The following ESRRG variants were observed in gnomAD, a reference collection of about 807,000 sequenced individuals.
ESRRG encodes the protein estrogen related receptor gamma.
Under a neutral mutation model 44.0 loss-of-function variants are expected in ESRRG, and 13 were observed. That is an observed-to-expected ratio of 0.30 (90% CI 0.19 to 0.47). The LOEUF (loss-of-function observed/expected upper bound fraction) is 0.47. Ranked by LOEUF, ESRRG falls within the 20% of genes least tolerant of loss-of-function variation. ESRRG has a pLI of 1.00. For synonymous variants in ESRRG, 215 were observed against 214.6 expected, an observed-to-expected ratio of 1.00 and a Z score of -0.02; for missense variants, 395 against 580.6, an observed-to-expected ratio of 0.68 and a Z score of 3.29.
chr1:216,755,433 A>G (rs1332788357), intron 2 of ESRRG, among the ~76,000 whole-genome samples: 2 of 152,052 alleles, frequency 1.3e-5, no homozygotes, highest in African/African-American at 4.8e-5. Context: ...AAATGGCTAA[A>G]TTATCAAAGT....
At chr1:216,760,887 C>G (rs1220513439) in intron 2 of ESRRG, among the ~76,000 whole-genome samples, 2 of 151,952 alleles carry the variant, frequency 1.3e-5, no homozygotes, top group African/African-American at 2.4e-5. Flanking sequence ...TAAAACATCC[C>G]AGTTGTAAGA....
In ESRRG at chr1:216,701,758, A is replaced by G. The variant is rs140542847; in HGVS notation, c.56+21486T>C. Among the ~76,000 whole-genome samples, 636 of 152,302 alleles carry G rather than the reference A, an allele frequency of 4.2e-3. 5 individuals carry two copies. The highest frequency in any genetic ancestry group is 0.014 in the African/African-American group (568 of 41,570). ...TATTATTGCATCTCCCTTCTTCCCT[A>G]TGAATTTGATAATGAAGTTCTTTAT... On this transcript the variant is annotated intron_variant, in intron 1 of 6. Coordinates refer to ENST00000408911, the MANE Select transcript of ESRRG (RefSeq NM_001438.4).
chr1:217,023,212 T>G (rs1467073318), intron 1 of ESRRG, among the ~76,000 whole-genome samples: 2 of 152,326 alleles, frequency 1.3e-5, no homozygotes, highest in Non-Finnish European at 2.9e-5. Flanking sequence ...TCCTGCAATT[T>G]ACCTCTCCAT....
chr1:216,792,981 T>C (rs1387198393), intron 2 of ESRRG, among the ~76,000 whole-genome samples: 2 of 152,136 alleles, frequency 1.3e-5, no homozygotes, highest in Non-Finnish European at 2.9e-5. Context: ...CTTTGTAAAA[T>C]CAGAATCATG....
At chr1:216,834,733 G>C (rs1457517854) in intron 2 of ESRRG, among the ~76,000 whole-genome samples, 1 of 152,192 alleles carries the variant, frequency 6.6e-6, no homozygotes. Context: ...CCCTACTCAT[G>C]GAAGAATGAC....
chr1:216,842,099 T>C (rs1482468246), intron 2 of ESRRG, among the ~76,000 whole-genome samples: 1 of 152,182 alleles, frequency 6.6e-6, no homozygotes, highest in Non-Finnish European at 1.5e-5. Context: ...TTATTCATAG[T>C]AGCAAGAAAG....
At chr1:216,923,292 A>G (rs1028910363) in intron 2 of ESRRG, among the ~76,000 whole-genome samples, 1 of 152,254 alleles carries the variant, frequency 6.6e-6, no homozygotes, top group African/African-American at 2.4e-5. Flanking sequence ...TTAAACTAAC[A>G]AACAAGAAAC....
At position 216,823,031 on chromosome 1, in the gene ESRRG, C is replaced by T. The variant is rs573465892; in HGVS notation, c.-14+116551G>A. Among the ~76,000 whole-genome samples, 3 of 151,972 alleles carry T rather than the reference C, an allele frequency of 2.0e-5. No homozygotes were observed. The South Asian group carries it at 6.2e-4, about 32-fold the overall frequency. On this transcript the variant is annotated intron_variant, in intron 2 of 7. Coordinates refer to the ESRRG transcript ENST00000359162. ...TAGAAAAGGGAAAGAATGTCTTCGA[C>T]TTGTAGCTTAGCCTTCCAGCTCTCC...
intron 2 of ESRRG, among the ~76,000 whole-genome samples, chr1:216,756,950 G>C (rs916044348): frequency 8.6e-5 from 13 of 151,864 alleles, no homozygotes; most frequent in African/African-American, 3.1e-4. Context: ...GAGATGTCTA[G>C]GGTACGCACA....
intron 3 of ESRRG, among the ~76,000 whole-genome samples, chr1:216,597,096 A>G (rs1380363014): frequency 6.6e-6 from 1 of 152,168 alleles, no homozygotes; most frequent in African/African-American, 2.4e-5. Context: ...CCCACATTTA[A>G]TTGTCTATTA....
intron 2 of ESRRG, among the ~76,000 whole-genome samples, chr1:216,670,093 T>C (rs941176275): frequency 1.3e-5 from 2 of 152,238 alleles, no homozygotes; most frequent in African/African-American, 2.4e-5. Flanking sequence ...ACTGAGGTAG[T>C]TATTTTCTCT....
chr1:216,853,432 G>C (rs2095870457), intron 2 of ESRRG, among the ~76,000 whole-genome samples: 1 of 152,166 alleles, frequency 6.6e-6, no homozygotes, highest in Non-Finnish European at 1.5e-5. Flanking sequence ...TAATACTTGA[G>C]ATCTTTCCTA....
At chr1:216,604,753 C>A (rs904047393) in intron 3 of ESRRG, among the ~76,000 whole-genome samples, 2 of 152,206 alleles carry the variant, frequency 1.3e-5, no homozygotes, top group African/African-American at 4.8e-5. Context: ...CCTAACCACC[C>A]TGCATACATT....
At chr1:216,959,998 A>C (rs1402780412) in intron 1 of ESRRG, among the ~76,000 whole-genome samples, 1 of 152,174 alleles carries the variant, frequency 6.6e-6, no homozygotes, top group Non-Finnish European at 1.5e-5. Flanking sequence ...TAACTTGTTA[A>C]ATTCATACAG....
intron 2 of ESRRG, among the ~76,000 whole-genome samples, chr1:216,757,372 C>G (rs1287512579): frequency 1.3e-5 from 2 of 152,010 alleles, no homozygotes; most frequent in African/African-American, 4.8e-5. Context: ...TGAAAAAGCC[C>G]ATGTTTCAAA....
At chr1:216,899,959 A>C (rs2576202) in intron 2 of ESRRG, among the ~76,000 whole-genome samples, 114,657 of 152,086 alleles carry the variant, frequency 0.75, 44,660 homozygotes, top group African/African-American at 0.94. Flanking sequence ...TGTCTTATGC[A>C]TAAGGCTTGT....
chr1:216,905,985 A>C (rs2059641570), intron 2 of ESRRG, among the ~76,000 whole-genome samples: 1 of 152,190 alleles, frequency 6.6e-6, no homozygotes, highest in Admixed American at 6.5e-5. Context: ...TTCTGACCTC[A>C]GGCAATCTGG....
chr1:216,777,552 C>T (rs1281386276), intron 2 of ESRRG, among the ~76,000 whole-genome samples: 1 of 152,090 alleles, frequency 6.6e-6, no homozygotes, highest in Non-Finnish European at 1.5e-5. Flanking sequence ...TGTGTAAGAA[C>T]CACAGTGCTA....
At chr1:216,918,351 A>G (rs747605481) in intron 2 of ESRRG, among the ~76,000 whole-genome samples, 32 of 152,104 alleles carry the variant, frequency 2.1e-4, no homozygotes, top group Non-Finnish European at 3.8e-4. Context: ...CTCTCTTTCA[A>G]AGGAACACCT....
Sources: gnomAD v4.1 joint callset for allele counts (sites outside exome capture counted in the v4.1 genomes callset) on GRCh38, gnomAD v4.1.1 for gene constraint, MANE v1.5 for transcripts, NCBI Gene and HGNC (gene_info 2026-07-23, HGNC 2026-07-21) for gene names.